Variants in DIP2A observed in about 807,000 individuals in gnomAD.
DIP2A encodes the protein DIP2 acetate--CoA ligase A.
A neutral mutation model predicts 177.4 loss-of-function variants in DIP2A; 85 were observed. That is an observed-to-expected ratio of 0.48 (90% CI 0.40 to 0.57). The LOEUF (loss-of-function observed/expected upper bound fraction) is 0.57. Ranked by LOEUF, DIP2A falls within the 20% of genes least tolerant of loss-of-function variation. The pLI is 0.00. For synonymous variants in DIP2A, 886 were observed against 881.8 expected, an observed-to-expected ratio of 1.00 and a Z score of -0.08; for missense variants, 1,791 against 2,100.2, an observed-to-expected ratio of 0.85 and a Z score of 2.88.
Position 46,534,657 on chromosome 21 carries a change from G to A in DIP2A, c.1612G>A (p.Ala538Thr), listed in dbSNP as rs184663499. The A allele has an allele frequency of 1.2e-4, 196 of 1,611,672 alleles. No individual in the cohort carries two copies. In the East Asian group the frequency reaches 2.3e-3, roughly 19 times the overall value. Reference protein sequence around the residue: ...SHASLLAQCRALTQACGYSEA... With the variant: ...SHASLLAQCRTLTQACGYSEA... ...CGCATCCCTGCTGGCACAGTGCCGG[G>A]CTCTGACCCAGGCGTGCGGGTACTC... Residue 538 changes from alanine (A) to threonine (T), a missense_variant, in exon 13 of 38, where the codon GCT becomes ACT. Ala to Thr is a moderately conservative substitution (Grantham distance 58). Coordinates refer to ENST00000417564, the MANE Select transcript of DIP2A (RefSeq NM_015151.4).
Position 46,569,292 on chromosome 21 carries a change from A to T in DIP2A, c.*1670A>T, listed in dbSNP as rs1569128745. 6.6e-6 allele frequency: 1 copy of T among 152,188 alleles called. No individual in the cohort carries two copies. Among genetic ancestry groups the T allele is most frequent in the Non-Finnish European group, 1.5e-5 (1 of 68,016 alleles). 9.4% of individuals were successfully genotyped at this position (152,188 alleles called of 1,614,324 possible). ...TCATGTTTTACTCCTGTCTGGCTAC[A>T]AATAGCACTGTGCATAGTAGCCCTG... On this transcript the variant is annotated 3_prime_UTR_variant, in exon 38 of 38. Coordinates refer to ENST00000417564, the MANE Select transcript of DIP2A (RefSeq NM_015151.4).
Position 46,547,020 on chromosome 21 carries a change from A to G in DIP2A, c.2500A>G (p.Met834Val), listed in dbSNP as rs750224522. Residue 834 changes from methionine (M) to valine (V), a missense_variant, in exon 21 of 38, where the codon ATG (methionine) becomes GTG (valine). Transcript: ENST00000417564. The part of the protein sequence containing the change: ...VVATALAVEP[M>V]KFVYRGRIAV... Reference sequence around the variant, plus strand: ...GGCCACCGCACTGGCCGTGGAGCCCATGAAGTTTGTCTACAGAGGCAGGTG... The same window carrying G: ...GGCCACCGCACTGGCCGTGGAGCCCGTGAAGTTTGTCTACAGAGGCAGGTG... 3 of 1,614,000 alleles carry G rather than the reference A, an allele frequency of 1.9e-6. No individual in the cohort carries two copies. The highest frequency in any genetic ancestry group is 1.7e-5 in the Admixed American group (1 of 60,026).
chr21:46,533,612 C>T lies in DIP2A; in HGVS notation c.1394C>T (p.Pro465Leu). The change falls in exon 11 of 38, where the codon CCC (proline) becomes CTC (leucine). Residue 465 changes from proline to leucine, a missense_variant. By Grantham distance (98) the Pro-to-Leu change is moderately conservative. Coordinates refer to ENST00000417564, the MANE Select transcript of DIP2A (RefSeq NM_015151.4). ...ACAGACGCTTGTCAGAAAGGCCTCC[C>T]CAAGGCACAGACAGGAGAGGTGGCA... is the stretch of plus-strand genomic sequence containing the variant. ...LTTDACQKGLPKAQTGEVAAF... is the reference protein window; with the variant it reads ...LTTDACQKGLLKAQTGEVAAF... 6.2e-7 allele frequency: 1 copy of T among 1,613,984 alleles called. No individual in the cohort carries two copies. The highest frequency in any genetic ancestry group is 1.1e-5 in the South Asian group (1 of 91,082).
intron 33 of DIP2A, chr21:46,561,152 CAAGT>C (rs1380626810): frequency 3.0e-5 from 17 of 558,158 alleles, no homozygotes; most frequent in Admixed American, 4.8e-5. Context: ...AGAGAGAAGA[CAAGT>C]AACCCATCTA....
At chr21:46,551,965 T>C (rs2060289959) in intron 25 of DIP2A, 61 bp downstream of exon 25, 1 of 1,516,292 alleles carries the variant, frequency 6.6e-7, no homozygotes. Context: ...AGCCCTTTGC[T>C]TGTCTAGTTC....
At chr21:46,530,385 CAAAG>C (rs1372109007) in intron 9 of DIP2A, among the ~76,000 whole-genome samples, 2 of 150,684 alleles carry the variant, frequency 1.3e-5, no homozygotes, top group Non-Finnish European at 3.0e-5. Context: ...TACCAAAAGA[CAAAG>C]AAAAGGGAAG....
chr21:46,511,580 T>C lies in DIP2A; in HGVS notation c.1068T>C (p.Asp356=). The C allele has an allele frequency of 6.4e-7, 1 of 1,573,304 alleles. No homozygotes were observed. The highest frequency in any genetic ancestry group is 8.6e-7 in the Non-Finnish European group (1 of 1,162,278). ...AATCCCCCTGTCTGACTGCCTTGGA[T>C]ACAACTGGGAAAGCCGTCTACACTC... ...QPKSPCLTAL[D]TTGKAVYTLT... The change falls in exon 8 of 38, where the codon GAT becomes GAC. Residue 356 remains aspartate (D), a synonymous_variant. Transcript: ENST00000417564.
chr21:46,556,803 T>A lies in DIP2A; in HGVS notation c.3499-136T>A. ...TATATGGGGATTTGAGCCAACCGTC[T>A]TTTAAGGAAATAAATATGATGTTTG... is the stretch of plus-strand genomic sequence containing the variant. On this transcript the variant is annotated intron_variant, in intron 29 of 37. Transcript: ENST00000417564. The surrounding 1 kb of genome is among the most constrained non-coding windows in gnomAD (Gnocchi z 4.5). 1 of 783,146 alleles carries A rather than the reference T, an allele frequency of 1.3e-6. No individual in the cohort carries two copies. The highest frequency in any genetic ancestry group is 1.7e-5 in the African/African-American group (1 of 57,774). The allele number at this position is 783,146 out of a possible 1,614,324, so 48.5% of individuals were successfully genotyped here.
intron 3 of DIP2A, among the ~76,000 whole-genome samples, chr21:46,492,851 G>T (rs1476635469): frequency 6.6e-6 from 1 of 151,800 alleles, no homozygotes; most frequent in East Asian, 1.9e-4. Flanking sequence ...TGAGGCATGA[G>T]AATCGCTTGA....
intron 23 of DIP2A, among the ~76,000 whole-genome samples, chr21:46,551,343 A>G (rs1839367886): frequency 6.6e-6 from 1 of 152,226 alleles, no homozygotes; most frequent in South Asian, 2.1e-4. Flanking sequence ...TACATAAAGT[A>G]CAGTAAAACA....
At chr21:46,477,569 A>AT (rs2055989919) in intron 1 of DIP2A, among the ~76,000 whole-genome samples, 1 of 71,982 alleles carries the variant, frequency 1.4e-5, no homozygotes, top group Non-Finnish European at 2.6e-5. Flanking sequence ...GTGTGTGTGT[A>AT]TTTCTTTTTT....
At chr21:46,476,577 A>G (rs932999097) in intron 1 of DIP2A, among the ~76,000 whole-genome samples, 1 of 152,088 alleles carries the variant, frequency 6.6e-6, no homozygotes, top group African/African-American at 2.4e-5. Flanking sequence ...TGTGCTCAAT[A>G]TAGAGGAAGC....
chr21:46,565,532 C>G (rs1402794667), intron 35 of DIP2A, among the ~76,000 whole-genome samples, 181 bp from the exon 36 acceptor site: 1 of 152,182 alleles, frequency 6.6e-6, no homozygotes, highest in Non-Finnish European at 1.5e-5. Flanking sequence ...GAGAAAAGTT[C>G]TGTTTGCTTT....
chr21:46,556,200 C>A lies in DIP2A; in HGVS notation c.3498+109C>A, dbSNP rs2060462262. ...TGACAGGTCCTTCTTATGCAAAGCA[C>A]AAAGCAACAATTTTGCTTCTTAAGA... On this transcript the variant is annotated intron_variant, in intron 29 of 37. Coordinates refer to ENST00000417564, the MANE Select transcript of DIP2A (RefSeq NM_015151.4). The surrounding 1 kb of genome is among the most constrained non-coding windows in gnomAD (Gnocchi z 4.5). 1.4e-6 allele frequency: 2 copies of A among 1,398,054 alleles called. No homozygotes were observed. Among genetic ancestry groups the A allele is most frequent in the African/African-American group, 1.4e-5 (1 of 70,112 alleles). 86.6% of individuals were successfully genotyped at this position (1,398,054 alleles called of 1,614,324 possible).
At position 46,567,919 on chromosome 21, in the gene DIP2A, A is replaced by T. The variant is rs556093161; in HGVS notation, c.*297A>T. The stretch of plus-strand genomic sequence containing the variant: ...GCATTGTGAGGAATCACAGGCACCG[A>T]GGTTGTTCTCTGCTGTACTGCAAGT... On this transcript the variant is annotated 3_prime_UTR_variant, in exon 38 of 38. Transcript: ENST00000417564. The T allele has an allele frequency of 6.0e-6, 2 of 333,618 alleles. No homozygotes were observed. Among genetic ancestry groups the T allele is most frequent in the East Asian group, 5.0e-5 (1 of 19,972 alleles). The allele number at this position is 333,618 out of a possible 1,614,324, so 20.7% of individuals were successfully genotyped here.
rs375026916 is a variant in DIP2A at position 46,567,555 on chromosome 21, G to A, written c.4649G>A (p.Arg1550His). ...IPINSRGEKQ[R>H]MHLRDGFLAD... ...ATCAACTCTCGGGGTGAGAAGCAGC[G>A]CATGCACCTGCGGGACGGCTTCCTG... Residue 1550 changes from arginine (R) to histidine (H), a missense_variant, in exon 38 of 38, where the codon CGC (arginine) becomes CAC (histidine). Coordinates refer to ENST00000417564, the MANE Select transcript of DIP2A (RefSeq NM_015151.4). 18 of 1,613,540 alleles carry A rather than the reference G, an allele frequency of 1.1e-5. No individual in the cohort carries two copies. Among genetic ancestry groups the A allele is most frequent in the Admixed American group, 1.0e-4 (6 of 59,990 alleles).
At chr21:46,512,982 G>C (rs1361865337) in intron 8 of DIP2A, among the ~76,000 whole-genome samples, 1 of 152,074 alleles carries the variant, frequency 6.6e-6, no homozygotes, top group Non-Finnish European at 1.5e-5. Context: ...GTATGTTTCA[G>C]ATAGGCATCT....
intron 1 of DIP2A, among the ~76,000 whole-genome samples, chr21:46,477,574 T>TGTGTG: frequency 1.1e-5 from 1 of 93,760 alleles, no homozygotes; most frequent in Admixed American, 1.1e-4. Context: ...TGTGTATTTC[T>TGTGTG]TTTTTTTTTT....
intron 18 of DIP2A, among the ~76,000 whole-genome samples, chr21:46,542,843 G>T (rs898651865): frequency 6.6e-6 from 1 of 152,230 alleles, no homozygotes; most frequent in African/African-American, 2.4e-5. Flanking sequence ...ACTGCGAGAG[G>T]CTCAGCGTCC....
Sources: gnomAD v4.1 joint callset for allele counts (sites outside exome capture counted in the v4.1 genomes callset) on GRCh38, gnomAD v4.1.1 for gene constraint, Gnocchi (gnomAD v3.1) non-coding constraint, MANE v1.5 for transcripts, NCBI Gene and HGNC (gene_info 2026-07-23, HGNC 2026-07-21) for gene names.